The following C8orf89 variants were observed in gnomAD, a reference collection of about 807,000 sequenced individuals.
C8orf89 encodes putative uncharacterized protein C8orf89.
Under a neutral mutation model 15.8 loss-of-function variants are expected in C8orf89, and 14 were observed. The observed-to-expected ratio is 0.89, with a 90% CI of 0.59 to 1.39. C8orf89 has a LOEUF of 1.39. Among genes scored for constraint, C8orf89 ranks in the 40% most tolerant of loss-of-function variants. C8orf89 has a pLI of 0.00. For missense variants in C8orf89, 181 were observed against 184.5 expected (o/e 0.98, Z 0.11); for synonymous variants, 55 against 62.2 (o/e 0.88, Z 0.54).
the C8orf89 span, among the ~76,000 whole-genome samples, chr8:73,268,734 C>A: frequency 6.6e-6 from 1 of 152,134 alleles, no homozygotes; most frequent in Non-Finnish European, 1.5e-5. Flanking sequence ...TGATTTGCTT[C>A]CATATAATGG....
intron 1 of C8orf89, among the ~76,000 whole-genome samples, chr8:73,257,713 A>C (rs1467835695): frequency 6.6e-6 from 1 of 152,216 alleles, no homozygotes; most frequent in Non-Finnish European, 1.5e-5. Context: ...ATTATTTTTA[A>C]AAATTTTCAA....
the C8orf89 span, among the ~76,000 whole-genome samples, chr8:73,264,559 C>T: frequency 6.6e-6 from 1 of 152,152 alleles, no homozygotes; most frequent in Non-Finnish European, 1.5e-5. Flanking sequence ...GGCGCGATCT[C>T]GGCTCACTAC....
chr8:73,282,712 A>G, the C8orf89 span, among the ~76,000 whole-genome samples: 1 of 152,244 alleles, frequency 6.6e-6, no homozygotes, highest in Admixed American at 6.5e-5. Flanking sequence ...AAAAATTAAT[A>G]TGGCAGAGAC....
chr8:73,254,655 C>T (rs574474516), intron 2 of C8orf89, among the ~76,000 whole-genome samples: 7 of 152,260 alleles, frequency 4.6e-5, no homozygotes, highest in Admixed American at 2.6e-4. Context: ...GCCCTCCTCC[C>T]GGTCTCATCC....
rs1014050965 is a variant in C8orf89, at chr8:73,241,449, G to A, written c.*8C>T. 1.1e-5 allele frequency: 16 copies of A among 1,519,130 alleles called. No homozygotes were observed. The highest frequency in any genetic ancestry group is 1.7e-4 in the Middle Eastern group (1 of 5,950). 94.1% of individuals were successfully genotyped at this position (1,519,130 alleles called of 1,614,324 possible). On this transcript the variant is annotated 3_prime_UTR_variant, in exon 4 of 4. Transcript: ENST00000624510. Reference sequence around the variant, plus strand: ...CACTGAAGAAAGCATCACACTGTACGACATTTTTCAGCGGTCTCGGAGGTC... The same window carrying A: ...CACTGAAGAAAGCATCACACTGTACAACATTTTTCAGCGGTCTCGGAGGTC...
intron 3 of C8orf89, among the ~76,000 whole-genome samples, chr8:73,245,732 C>A (rs1052791398): frequency 2.0e-5 from 3 of 151,974 alleles, no homozygotes; most frequent in South Asian, 2.1e-4. Context: ...AAAACTTAGA[C>A]AAAATGCAAG....
chr8:73,273,768 AAG>A, the C8orf89 span, among the ~76,000 whole-genome samples: 8 of 151,114 alleles, frequency 5.3e-5, no homozygotes, highest in African/African-American at 1.9e-4. Context: ...TTTTTTCTGA[AAG>A]ATACTTCAAA....
chr8:73,249,591 A>G (rs1285596174), intron 3 of C8orf89, among the ~76,000 whole-genome samples: 1 of 152,150 alleles, frequency 6.6e-6, no homozygotes, highest in Admixed American at 6.5e-5. Flanking sequence ...ATTCAATAAA[A>G]AAACTTAAGC....
intron 2 of C8orf89, among the ~76,000 whole-genome samples, chr8:73,255,523 A>T (rs926883103): frequency 6.6e-6 from 1 of 152,274 alleles, no homozygotes; most frequent in African/African-American, 2.4e-5. Context: ...ACTGTAAACT[A>T]GTTCAACCCT....
the C8orf89 span, among the ~76,000 whole-genome samples, chr8:73,269,761 A>G: frequency 6.6e-6 from 1 of 152,224 alleles, no homozygotes; most frequent in Non-Finnish European, 1.5e-5. Context: ...TAATAACTCA[A>G]TATAGTATGT....
At chr8:73,271,386 T>A in the C8orf89 span, among the ~76,000 whole-genome samples, 7 of 152,188 alleles carry the variant, frequency 4.6e-5, no homozygotes, top group African/African-American at 1.7e-4. Context: ...CTCACTCTCA[T>A]GAGACTGGAT....
the C8orf89 span, among the ~76,000 whole-genome samples, chr8:73,282,466 T>C: frequency 5.9e-5 from 9 of 152,240 alleles, no homozygotes; most frequent in East Asian, 1.7e-3. Flanking sequence ...GGAAAAGATA[T>C]AGATGGGAAA....
the C8orf89 span, among the ~76,000 whole-genome samples, chr8:73,285,921 G>A: frequency 2.6e-5 from 4 of 151,932 alleles, no homozygotes; most frequent in South Asian, 2.1e-4. Flanking sequence ...CGTCTCCCGA[G>A]GCTGCAGCGC....
intron 2 of C8orf89, among the ~76,000 whole-genome samples, chr8:73,250,812 A>T (rs1375925522): frequency 6.6e-6 from 1 of 151,184 alleles, no homozygotes; most frequent in Non-Finnish European, 1.5e-5. Flanking sequence ...TTGTAACAAT[A>T]TTTTTTTTTG....
intron 2 of C8orf89, among the ~76,000 whole-genome samples, chr8:73,253,444 TTAAAG>T (rs1474645891): frequency 2.0e-5 from 3 of 152,196 alleles, no homozygotes; most frequent in African/African-American, 7.2e-5. Flanking sequence ...CATATGAACT[TTAAAG>T]TAGTTTTTTC....
At chr8:73,271,210 A>T in the C8orf89 span, among the ~76,000 whole-genome samples, 3 of 152,196 alleles carry the variant, frequency 2.0e-5, no homozygotes, top group African/African-American at 7.2e-5. Flanking sequence ...TAAGGAAAAC[A>T]CCTGCTATAG....
chr8:73,277,927 CT>C, the C8orf89 span: 1 of 670,334 alleles, frequency 1.5e-6, no homozygotes, highest in South Asian at 1.4e-5. Flanking sequence ...CTTTCTGGGG[CT>C]TAGAGAGAAA....
chr8:73,274,878 G>C, the C8orf89 span, among the ~76,000 whole-genome samples: 17 of 152,252 alleles, frequency 1.1e-4, no homozygotes, highest in Non-Finnish European at 2.4e-4. Context: ...TGTACATATA[G>C]ATTTAGTTTA....
Position 73,259,505 on chromosome 8 carries a change from A to G in C8orf89, c.-47T>C, listed in dbSNP as rs1005906357. On this transcript the variant is annotated 5_prime_UTR_variant, in exon 1 of 4. Transcript: ENST00000624510. ...TGATGAGAGGGAGATGCTGCTGCAG[A>G]GACAGGACACAAAATACAAAAAAAA... The G allele has an allele frequency of 7.5e-5, 104 of 1,390,256 alleles. No individual in the cohort carries two copies. Among genetic ancestry groups the G allele is most frequent in the Non-Finnish European group, 9.7e-5 (104 of 1,066,688 alleles). 86.1% of individuals were successfully genotyped at this position (1,390,256 alleles called of 1,614,324 possible).
Sources: allele counts gnomAD v4.1 joint callset (sites outside exome capture counted in the v4.1 genomes callset), GRCh38; gene constraint gnomAD v4.1.1; transcripts MANE v1.5; gene names NCBI Gene and HGNC (gene_info 2026-07-23, HGNC 2026-07-21).